MRPS5: variants seen among roughly 807,000 people sequenced by gnomAD.
MRPS5 encodes small ribosomal subunit protein uS5m.
MRPS5 carries 27 observed loss-of-function variants against 51.9 expected under a neutral mutation model. That is an observed-to-expected ratio of 0.52 (90% CI 0.38 to 0.72). The LOEUF (loss-of-function observed/expected upper bound fraction) is 0.72, where lower values mean the gene tolerates loss of function less well. MRPS5 is among the 30% of genes least tolerant of loss of function. The pLI, the probability that MRPS5 is intolerant of heterozygous loss-of-function variation, is 0.00. For synonymous variants in MRPS5, 196 were observed against 193.2 expected (o/e 1.01, Z -0.12); for missense variants, 570 against 545.7 (o/e 1.04, Z -0.44).
At chr2:95,120,259 T>C (rs1676402994) in intron 1 of MRPS5, among the ~76,000 whole-genome samples, 1 of 152,250 alleles carries the variant, frequency 6.6e-6, no homozygotes, top group South Asian at 2.1e-4. Flanking sequence ...ACAATATCAT[T>C]CAGCCATAAA....
At chr2:95,101,250 G>C (rs1360524516) in intron 8 of MRPS5, among the ~76,000 whole-genome samples, 2 of 152,028 alleles carry the variant, frequency 1.3e-5, no homozygotes, top group African/African-American at 4.8e-5. Context: ...CGGGTGTGGT[G>C]GTGGGCACCT....
intron 3 of MRPS5, among the ~76,000 whole-genome samples, chr2:95,111,373 C>G (rs1046341631): frequency 1.3e-5 from 2 of 152,170 alleles, no homozygotes; most frequent in Non-Finnish European, 2.9e-5. Flanking sequence ...TGGAGGCATA[C>G]TAAGAGGCCA....
intron 7 of MRPS5, among the ~76,000 whole-genome samples, chr2:95,102,901 A>G (rs1456459816): frequency 2.6e-5 from 4 of 152,228 alleles, no homozygotes; most frequent in Middle Eastern, 3.2e-3. Context: ...TTTTTAAATT[A>G]TACATGGGAA....
chr2:95,090,450 T>A lies in MRPS5; in HGVS notation c.1004A>T (p.Lys335Met). 1 of 1,614,144 alleles carries A rather than the reference T, an allele frequency of 6.2e-7. No homozygotes were observed. Residue 335 changes from lysine (K) to methionine (M), a missense_variant, in exon 11 of 12, where the codon AAG becomes ATG. Lys to Met is a moderately conservative substitution (Grantham distance 95). Coordinates refer to ENST00000272418, the MANE Select transcript of MRPS5 (RefSeq NM_031902.5). The part of the protein sequence containing the change: ...RLIGIKDMYA[K>M]VSGSINMLSL... ...GAGCATATTAATGGACCCAGAGACC[T>A]TGGCATACATGTCTTTGATGCCAAT...
intron 3 of MRPS5, among the ~76,000 whole-genome samples, chr2:95,111,320 G>T (rs1036757974): frequency 6.6e-6 from 1 of 152,118 alleles, no homozygotes; most frequent in African/African-American, 2.4e-5. Flanking sequence ...AAAAAATGGT[G>T]GTACCTATAA....
intron 3 of MRPS5, among the ~76,000 whole-genome samples, chr2:95,112,834 C>G (rs1676163293): frequency 6.6e-6 from 1 of 151,790 alleles, no homozygotes; most frequent in South Asian, 2.1e-4. Context: ...GAAACCCCAT[C>G]TCTACTAAAA....
intron 10 of MRPS5, among the ~76,000 whole-genome samples, chr2:95,094,843 T>G (rs1675574394): frequency 6.6e-6 from 1 of 152,200 alleles, no homozygotes; most frequent in African/African-American, 2.4e-5. Flanking sequence ...AATAATCAGT[T>G]AACATCATAA....
chr2:95,092,201 C>G (rs1207368617), intron 10 of MRPS5: 1 of 152,208 alleles, frequency 6.6e-6, no homozygotes, highest in Admixed American at 6.5e-5. Context: ...CAGGCACAGA[C>G]TGTCAAAAAA....
intron 10 of MRPS5, among the ~76,000 whole-genome samples, chr2:95,098,793 A>G (rs1294442112): frequency 2.0e-5 from 3 of 152,160 alleles, no homozygotes; most frequent in African/African-American, 7.2e-5. Context: ...CCTATGTAAC[A>G]AACCTGCACA....
At chr2:95,092,607 T>C (rs1464800311) in intron 10 of MRPS5, 2 of 152,216 alleles carry the variant, frequency 1.3e-5, no homozygotes, top group Non-Finnish European at 2.9e-5. Context: ...AAAATCAGAA[T>C]ATTAACCCCG....
chr2:95,105,782 A>G (rs1254855880), intron 6 of MRPS5, among the ~76,000 whole-genome samples: 1 of 152,244 alleles, frequency 6.6e-6, no homozygotes, highest in Non-Finnish European at 1.5e-5. Context: ...TAAACATTTT[A>G]AATCCTACAG....
At chr2:95,098,391 A>G (rs377214220) in intron 10 of MRPS5, among the ~76,000 whole-genome samples, 1 of 152,178 alleles carries the variant, frequency 6.6e-6, no homozygotes, top group Non-Finnish European at 1.5e-5. Flanking sequence ...ACATGCACAC[A>G]TATGTTTATT....
chr2:95,109,616 C>T (rs1676056208), intron 4 of MRPS5, among the ~76,000 whole-genome samples: 1 of 152,234 alleles, frequency 6.6e-6, no homozygotes, highest in Non-Finnish European at 1.5e-5. Context: ...GGAATATTCG[C>T]CAACTCTCCA....
At chr2:95,092,424 G>A (rs1338349830) in intron 10 of MRPS5, 1 of 152,176 alleles carries the variant, frequency 6.6e-6, no homozygotes, top group Non-Finnish European at 1.5e-5. Context: ...CCTTAATCCA[G>A]TTCTGCCATC....
chr2:95,114,334 T>C lies in MRPS5; in HGVS notation c.277+732A>G, dbSNP rs534508665. 4.6e-5 allele frequency among the ~76,000 whole-genome samples: 7 copies of C among 151,552 alleles called. No homozygotes were observed. The East Asian group carries it at 1.4e-3, about 30-fold the overall frequency. On this transcript the variant is annotated intron_variant, in intron 3 of 11. Transcript: ENST00000272418. Reference sequence around the variant, plus strand: ...GTGCAGTGGCACGATCTCAGCTCACTGCAAGCTCCGCCTCCCGGGTTCACG... The same window carrying C: ...GTGCAGTGGCACGATCTCAGCTCACCGCAAGCTCCGCCTCCCGGGTTCACG...
chr2:95,117,798 T>C (rs1358168269), intron 2 of MRPS5, 67 bp downstream of exon 2: 4 of 1,347,880 alleles, frequency 3.0e-6, no homozygotes, highest in African/African-American at 1.5e-5. Flanking sequence ...TTATATTTTT[T>C]AAAACTACAG....
Position 95,121,770 on chromosome 2 carries a change from C to A in MRPS5, c.22G>T (p.Val8Leu). ...CTACACAGCACGGGGAGGCAGCCCACAGCGCGCACCGCGGTCGCCATGCTG... is the reference window on the plus strand; with the variant it reads ...CTACACAGCACGGGGAGGCAGCCCAAAGCGCGCACCGCGGTCGCCATGCTG... MATAVRA[V>L]GCLPVLCSGT... Residue 8 changes from valine to leucine, a missense_variant, in exon 1 of 12, where the codon GTG (valine) becomes TTG (leucine). By Grantham distance (32) the Val-to-Leu change is conservative. Coordinates refer to ENST00000272418, the MANE Select transcript of MRPS5 (RefSeq NM_031902.5). 6.4e-7 allele frequency: 1 copy of A among 1,553,072 alleles called. No homozygotes were observed.
chr2:95,117,714 G>T, intron 2 of MRPS5, 151 bp downstream of exon 2: 1 of 640,700 alleles, frequency 1.6e-6, no homozygotes, highest in Non-Finnish European at 2.7e-6. Context: ...TAAAGAATGT[G>T]ATTATTGCAG....
chr2:95,101,512 A>G (rs374558318), intron 8 of MRPS5, among the ~76,000 whole-genome samples, 165 bp downstream of exon 8: 26 of 152,208 alleles, frequency 1.7e-4, no homozygotes, highest in Non-Finnish European at 2.8e-4. Flanking sequence ...GCAAAGGAAT[A>G]TAAGTACTTC....
Sources: gnomAD v4.1 joint callset for allele counts (sites outside exome capture counted in the v4.1 genomes callset) on GRCh38, gnomAD v4.1.1 for gene constraint, MANE v1.5 for transcripts, NCBI Gene and HGNC (gene_info 2026-07-23, HGNC 2026-07-21) for gene names.